CACNA1E: variants seen among roughly 807,000 people sequenced by gnomAD.
CACNA1E encodes voltage-dependent R-type calcium channel subunit alpha-1E.
In CACNA1E, 40 loss-of-function variants were observed where a neutral mutation model predicts 259.2. The observed-to-expected ratio is 0.15, with a 90% CI of 0.12 to 0.20. CACNA1E has a LOEUF of 0.20. CACNA1E is among the 10% of genes least tolerant of loss of function. CACNA1E has a pLI of 1.00. For synonymous variants in CACNA1E, 1,104 were observed against 1,138.5 expected (o/e 0.97, Z 0.61); for missense variants, 1,874 against 3,040.1 (o/e 0.62, Z 9.02).
intron 39 of CACNA1E, 120 bp from the exon 40 acceptor site, chr1:181,783,559 G>C: frequency 3.3e-6 from 2 of 598,958 alleles, no homozygotes; most frequent in South Asian, 4.7e-5. Context: ...AGGGGATGGG[G>C]ATCCTTGCCC....
chr1:181,426,016 A>G (rs1659164800), intron 2 of CACNA1E, among the ~76,000 whole-genome samples: 1 of 152,118 alleles, frequency 6.6e-6, no homozygotes, highest in Non-Finnish European at 1.5e-5. Context: ...TCCCAAATTT[A>G]TAAAGAAAAC....
chr1:181,331,620 C>T (rs964317560), intron 1 of CACNA1E, among the ~76,000 whole-genome samples: 3 of 152,180 alleles, frequency 2.0e-5, no homozygotes, highest in Admixed American at 6.5e-5. Flanking sequence ...TTGGAAACAC[C>T]GTTAAGACAC....
chr1:181,397,739 G>T (rs1350225122), intron 1 of CACNA1E, among the ~76,000 whole-genome samples: 1 of 152,164 alleles, frequency 6.6e-6, no homozygotes, highest in Non-Finnish European at 1.5e-5. Context: ...CCCTCATCCC[G>T]TCTTGTCCTT....
chr1:181,365,044 G>A (rs1654165337), intron 1 of CACNA1E, among the ~76,000 whole-genome samples: 1 of 152,238 alleles, frequency 6.6e-6, no homozygotes, highest in South Asian at 2.1e-4. Flanking sequence ...CCCTGGACAT[G>A]TCTGGGTAGC....
chr1:181,536,256 C>G (rs1668162220), intron 3 of CACNA1E, among the ~76,000 whole-genome samples: 2 of 152,042 alleles, frequency 1.3e-5, no homozygotes, highest in Admixed American at 1.3e-4. Flanking sequence ...ATTTGTAGCA[C>G]TTGTTTTAAA....
rs115853386 is a variant in CACNA1E, at chr1:181,666,085, C to T, written c.1055+14644C>T. Among the ~76,000 whole-genome samples, 463 of 152,264 alleles carry T rather than the reference C, an allele frequency of 3.0e-3. 3 individuals carry two copies. Among genetic ancestry groups the T allele is most frequent in the African/African-American group, 0.011 (445 of 41,564 alleles). The stretch of plus-strand genomic sequence containing the variant: ...GGGCCTAATTGCTCATCAAGACCTA[C>T]TGATTAAGTTTCATAAAACTATGTC... On this transcript the variant is annotated intron_variant, in intron 7 of 47. Transcript: ENST00000367573.
intron 25 of CACNA1E, among the ~76,000 whole-genome samples, chr1:181,743,678 C>T (rs940977005): frequency 1.3e-5 from 2 of 152,270 alleles, no homozygotes; most frequent in South Asian, 2.1e-4. Context: ...GACACCTGTG[C>T]GTGTGTGTCT....
chr1:181,510,220 T>A (rs1240025844), intron 1 of CACNA1E, among the ~76,000 whole-genome samples: 1 of 152,230 alleles, frequency 6.6e-6, no homozygotes, highest in Non-Finnish European at 1.5e-5. Flanking sequence ...CTATATTATG[T>A]ATTGGCTATA....
In CACNA1E at chr1:181,440,897, C is replaced by T. The variant is rs146986410; in HGVS notation, c.434+27317C>T. Among the ~76,000 whole-genome samples the T allele has an allele frequency of 1.1e-3, 160 of 143,920 alleles. 1 individual carries two copies. Among genetic ancestry groups the T allele is most frequent in the African/African-American group, 3.9e-3 (154 of 39,196 alleles). 94.4% of individuals were successfully genotyped at this position (143,920 alleles called of 152,430 possible). A position where few individuals can be genotyped will look rare whatever the true frequency, so the allele number is the denominator to read the frequency against. Reference sequence around the variant, plus strand: ...TCAGGAAGCTGAGGTGGAAGGATCGCTTGAGCCTGGGAGGTCGAGGCTGCA... The same window carrying T: ...TCAGGAAGCTGAGGTGGAAGGATCGTTTGAGCCTGGGAGGTCGAGGCTGCA... On this transcript the variant is annotated intron_variant, in intron 2 of 11. Transcript: ENST00000524607.
At chr1:181,695,911 C>T (rs368346910) in intron 7 of CACNA1E, among the ~76,000 whole-genome samples, 16 of 152,136 alleles carry the variant, frequency 1.1e-4, no homozygotes, top group Non-Finnish European at 1.8e-4. Flanking sequence ...GTTGAGATTG[C>T]GCCACTGCAC....
At chr1:181,693,091 G>C (rs1322376283) in intron 7 of CACNA1E, among the ~76,000 whole-genome samples, 1 of 127,770 alleles carries the variant, frequency 7.8e-6, no homozygotes, top group Non-Finnish European at 1.6e-5. Flanking sequence ...ACCGCAATGA[G>C]ATACCATCTC....
In CACNA1E at chr1:181,758,894, C is replaced by T. The variant is rs1305619224; in HGVS notation, c.4605+26C>T. The T allele has an allele frequency of 3.2e-6, 4 of 1,244,468 alleles. No individual in the cohort carries two copies. The South Asian group carries it at 3.7e-5, about 11-fold the overall frequency. 77.1% of individuals were successfully genotyped at this position (1,244,468 alleles called of 1,614,324 possible). A position where few individuals can be genotyped will look rare whatever the true frequency, so the allele number is the denominator to read the frequency against. On this transcript the variant is annotated intron_variant, in intron 32 of 47. Transcript: ENST00000367573. The surrounding 1 kb of genome is among the most constrained non-coding windows in gnomAD (Gnocchi z 4.2). Reference sequence around the variant, plus strand: ...GTATGTTGCTGAATCCTTCCCAGCACTGGGCTTGTCTCTTTCTGTTGGGTG... The same window carrying T: ...GTATGTTGCTGAATCCTTCCCAGCATTGGGCTTGTCTCTTTCTGTTGGGTG...
In CACNA1E at chr1:181,758,730, T is replaced by C. The variant is rs1471386793; in HGVS notation, c.4495-28T>C. 2 of 1,303,138 alleles carry C rather than the reference T, an allele frequency of 1.5e-6. No individual in the cohort carries two copies. The highest frequency in any genetic ancestry group is 3.5e-5 in the Admixed American group (2 of 57,208). The allele number at this position is 1,303,138 out of a possible 1,614,324, so 80.7% of individuals were successfully genotyped here. A position where few individuals can be genotyped will look rare whatever the true frequency, so the allele number is the denominator to read the frequency against. The stretch of plus-strand genomic sequence containing the variant: ...CCCTCTTACCTTAAGGCTGTGATTC[T>C]TTCTCTCTTCTTTTTTCTTCCTGGC... On this transcript the variant is annotated intron_variant, in intron 31 of 47. Coordinates refer to ENST00000367573, the MANE Select transcript of CACNA1E (RefSeq NM_001205293.3). This position sits in a 1 kb window ranked among gnomAD's most constrained non-coding sequence, Gnocchi z 4.2.
At chr1:181,733,880 T>C (rs994310301) in intron 21 of CACNA1E, 130 bp downstream of exon 21, 1 of 649,514 alleles carries the variant, frequency 1.5e-6, no homozygotes, top group Admixed American at 4.2e-5. Context: ...TAAAAATGAG[T>C]GGCGGTTTTC....
intron 7 of CACNA1E, among the ~76,000 whole-genome samples, chr1:181,704,765 C>CTG (rs1652627018): frequency 1.3e-5 from 2 of 152,176 alleles, no homozygotes; most frequent in Admixed American, 1.3e-4. Flanking sequence ...CAGCGAGGGG[C>CTG]TGTGCATCAG....
chr1:181,612,359 T>C (rs1003004520), intron 6 of CACNA1E, among the ~76,000 whole-genome samples: 1 of 152,218 alleles, frequency 6.6e-6, no homozygotes, highest in Admixed American at 6.5e-5. Context: ...GAGGCTTGCC[T>C]GTGAGAGGGT....
At chr1:181,673,222 ATGTGTGTG>A (rs55948135) in intron 7 of CACNA1E, among the ~76,000 whole-genome samples, 63,988 of 151,024 alleles carry the variant, frequency 0.42, 16,393 homozygotes, top group East Asian at 0.75. Context: ...GTATATGAGT[ATGTGTGTG>A]TGTGTGTGTG....
intron 6 of CACNA1E, among the ~76,000 whole-genome samples, chr1:181,650,877 C>T (rs925553074): frequency 3.9e-5 from 6 of 152,310 alleles, no homozygotes; most frequent in South Asian, 4.2e-4. Context: ...CTGAGCAAGA[C>T]GCAGAGGACC....
intron 2 of CACNA1E, among the ~76,000 whole-genome samples, chr1:181,472,717 G>A (rs1662591841): frequency 6.6e-6 from 1 of 152,186 alleles, no homozygotes; most frequent in African/African-American, 2.4e-5. Flanking sequence ...TTAGATGCAC[G>A]CGTGCGTGTG....
Sources: allele counts gnomAD v4.1 joint callset (sites outside exome capture counted in the v4.1 genomes callset), GRCh38; gene constraint gnomAD v4.1.1; non-coding constraint Gnocchi (gnomAD v3.1); transcripts MANE v1.5; gene names NCBI Gene and HGNC (gene_info 2026-07-23, HGNC 2026-07-21).